The following UBE2D4 variants were observed in gnomAD, a reference collection of about 807,000 sequenced individuals.
The protein encoded by UBE2D4 is ubiquitin conjugating enzyme E2 D4.
UBE2D4 carries 17 observed loss-of-function variants against 23.0 expected under a neutral mutation model. That is an observed-to-expected ratio of 0.74 (90% CI 0.51 to 1.11). The LOEUF is 1.11. UBE2D4 is among the 50% of genes least tolerant of loss of function. The pLI, the probability that UBE2D4 is intolerant of heterozygous loss-of-function variation, is 0.00. For missense variants in UBE2D4, 139 were observed against 181.8 expected (o/e 0.76, Z 1.35); for synonymous variants, 61 against 69.4 (o/e 0.88, Z 0.60).
intron 1 of UBE2D4, among the ~76,000 whole-genome samples, chr7:43,928,882 A>G (rs1019882762): frequency 6.6e-6 from 1 of 152,222 alleles, no homozygotes; most frequent in African/African-American, 2.4e-5. Context: ...GTGTAGGCTG[A>G]TAAGATTTAT....
intron 1 of UBE2D4, among the ~76,000 whole-genome samples, chr7:43,934,453 C>CTTTTTTTTTTTTT (rs36122809): frequency 1.4e-5 from 2 of 142,238 alleles, no homozygotes; most frequent in Non-Finnish European, 3.1e-5. Context: ...CTTGTTTTTC[C>CTTTTTTTTTTTTT]TTTTTTTTTT....
chr7:43,947,892 C>G (rs1218514370), intron 4 of UBE2D4, among the ~76,000 whole-genome samples: 1 of 152,212 alleles, frequency 6.6e-6, no homozygotes, highest in Non-Finnish European at 1.5e-5. Context: ...ATTCTAACTG[C>G]TGTGAGATAG....
chr7:43,952,394 T>TG, intron 6 of UBE2D4: 1 of 400,244 alleles, frequency 2.5e-6, no homozygotes, highest in South Asian at 3.5e-5. Flanking sequence ...CATTATTAAA[T>TG]CTTCCACAGC....
intron 1 of UBE2D4, among the ~76,000 whole-genome samples, chr7:43,927,014 G>T (rs2132742469): frequency 6.6e-6 from 1 of 152,340 alleles, no homozygotes; most frequent in East Asian, 1.9e-4. Flanking sequence ...CTGAAGGGCA[G>T]ATGGTGTGGA....
At chr7:43,956,135 T>TATCA (rs1470331788) in exon 7 of UBE2D4, 3 of 152,238 alleles carry the variant, frequency 2.0e-5, no homozygotes, top group African/African-American at 4.8e-5. Context: ...CAAAACACCC[T>TATCA]ATCAGAAGTC....
intron 4 of UBE2D4, chr7:43,946,272 T>C (rs2095986945): frequency 6.6e-6 from 1 of 152,162 alleles, no homozygotes; most frequent in Non-Finnish European, 1.5e-5. Flanking sequence ...ACCATGTACC[T>C]ACTTATAGTG....
chr7:43,928,093 G>A (rs1284678415), intron 1 of UBE2D4: 4 of 453,248 alleles, frequency 8.8e-6, no homozygotes, highest in Non-Finnish European at 1.3e-5. Flanking sequence ...AAGCAAAGGA[G>A]AAGCAGGCGT....
In UBE2D4 at chr7:43,952,658, G is replaced by T; in HGVS notation, c.407G>T (p.Arg136Ile). The part of the protein sequence containing the change: ...TYKADREKYN[R>I]LAREWTQKYA... ...CTGCTTTTTTATTCCAGGTACAACAGACTAGCAAGAGAGTGGACACAAAAA... is the reference window on the plus strand; with the variant it reads ...CTGCTTTTTTATTCCAGGTACAACATACTAGCAAGAGAGTGGACACAAAAA... The change falls in exon 7 of 7, where the codon AGA becomes ATA. Residue 136 changes from arginine to isoleucine, a missense_variant. Physicochemically the swap from Arg to Ile is moderately conservative, Grantham distance 97 (BLOSUM62 -3). Transcript: ENST00000222402. The T allele has an allele frequency of 6.2e-7, 1 of 1,613,844 alleles. No homozygotes were observed. The highest frequency in any genetic ancestry group is 1.1e-5 in the South Asian group (1 of 91,046).
At chr7:43,945,140 C>T (rs2095982804) in intron 4 of UBE2D4, among the ~76,000 whole-genome samples, 1 of 152,034 alleles carries the variant, frequency 6.6e-6, no homozygotes. Flanking sequence ...TTACAGGCAC[C>T]CGCCACCACG....
chr7:43,947,008 T>C (rs1045682255), intron 4 of UBE2D4, among the ~76,000 whole-genome samples: 1 of 152,242 alleles, frequency 6.6e-6, no homozygotes. Flanking sequence ...TACGTATTTC[T>C]CCTAATGCTA....
At chr7:43,941,903 A>G (rs897470382) in intron 2 of UBE2D4, 1 of 152,156 alleles carries the variant, frequency 6.6e-6, no homozygotes, top group African/African-American at 2.4e-5. Context: ...CATCTCTACA[A>G]AACAATAACA....
In UBE2D4 at chr7:43,952,871, G is replaced by C. The variant is rs1005329109; in HGVS notation, c.*176G>C. On this transcript the variant is annotated 3_prime_UTR_variant, in exon 7 of 7. Transcript: ENST00000222402. ...GTTGGTGCCATTTTCAGCAATTACG[G>C]CTTTGACAGTGCCACCTCTTTGATG... is the stretch of plus-strand genomic sequence containing the variant. The C allele has an allele frequency of 6.8e-6, 4 of 585,512 alleles. No individual in the cohort carries two copies. The highest frequency in any genetic ancestry group is 2.6e-5 in the Admixed American group (1 of 38,128). 36.3% of individuals were successfully genotyped at this position (585,512 alleles called of 1,614,324 possible).
intron 1 of UBE2D4, among the ~76,000 whole-genome samples, chr7:43,927,175 T>G (rs187563732): frequency 6.6e-6 from 1 of 152,246 alleles, no homozygotes; most frequent in Non-Finnish European, 1.5e-5. Flanking sequence ...CTTTACTATT[T>G]GTTAACATTT....
chr7:43,940,902 ATATTT>A (rs2095970619), intron 2 of UBE2D4: 1 of 152,130 alleles, frequency 6.6e-6, no homozygotes, highest in Non-Finnish European at 1.5e-5. Context: ...AAAAAAAGTG[ATATTT>A]TTATTAACTC....
chr7:43,946,943 A>C (rs921959188), intron 4 of UBE2D4, among the ~76,000 whole-genome samples: 3 of 151,844 alleles, frequency 2.0e-5, no homozygotes, highest in Non-Finnish European at 4.4e-5. Context: ...GGTTTGTTAC[A>C]TAGGTATACA....
At chr7:43,952,576 T>G in intron 6 of UBE2D4, 74 bp from the exon 7 acceptor site, 1 of 1,324,636 alleles carries the variant, frequency 7.5e-7, no homozygotes. Context: ...ACATCAGTCC[T>G]GTTCTCTGCA....
intron 1 of UBE2D4, among the ~76,000 whole-genome samples, chr7:43,927,202 AG>A (rs1270459739): frequency 6.6e-6 from 1 of 151,936 alleles, no homozygotes; most frequent in African/African-American, 2.4e-5. Context: ...ACCTACCTTC[AG>A]TTTTTTTTCT....
rs891320653 is a variant in UBE2D4 at position 43,955,352 on chromosome 7, A to G, written c.*2657A>G. On this transcript the variant is annotated 3_prime_UTR_variant, in exon 7 of 7. Transcript: ENST00000222402. ...GTGCTTGATCTTGAACAATTGATCC[A>G]TGATGAAAAAATGACCATTAGCTCT... 3 of 152,336 alleles carry G rather than the reference A, an allele frequency of 2.0e-5. No homozygotes were observed. The highest frequency in any genetic ancestry group is 7.2e-5 in the African/African-American group (3 of 41,580). 9.4% of individuals were successfully genotyped at this position (152,336 alleles called of 1,614,324 possible).
At chr7:43,952,052 T>G (rs548980768) in intron 6 of UBE2D4, 1 of 152,348 alleles carries the variant, frequency 6.6e-6, no homozygotes, top group African/African-American at 2.4e-5. Flanking sequence ...ATTACAATGA[T>G]GAGAGTAAGT....
Sources: allele counts gnomAD v4.1 joint callset (sites outside exome capture counted in the v4.1 genomes callset), GRCh38; gene constraint gnomAD v4.1.1; transcripts MANE v1.5; gene names NCBI Gene and HGNC (gene_info 2026-07-23, HGNC 2026-07-21).